The following SLCO2A1 variants were observed in gnomAD, a reference collection of about 807,000 sequenced individuals.
SLCO2A1 encodes solute carrier organic anion transporter family member 2A1, also known as matrin F/G 1.
A neutral mutation model predicts 71.7 loss-of-function variants in SLCO2A1; 60 were observed. The observed-to-expected ratio is 0.84, with a 90% CI of 0.68 to 1.04. The LOEUF (loss-of-function observed/expected upper bound fraction) is 1.04, where lower values mean the gene tolerates loss of function less well. SLCO2A1 is among the 50% of genes least tolerant of loss of function. SLCO2A1 has a pLI of 0.00. For synonymous variants in SLCO2A1, 308 were observed against 326.7 expected (o/e 0.94, Z 0.62); for missense variants, 745 against 813.4 (o/e 0.92, Z 1.02).
intron 1 of SLCO2A1, among the ~76,000 whole-genome samples, chr3:133,999,999 A>C (rs142464903): frequency 2.4e-3 from 371 of 152,320 alleles, no homozygotes; most frequent in African/African-American, 8.3e-3. Flanking sequence ...CAAGGCAAAA[A>C]CAAAACAAAA....
chr3:133,938,487 C>T lies in SLCO2A1; in HGVS notation c.1632G>A (p.Val544=), dbSNP rs1400801174. 1.2e-5 allele frequency: 20 copies of T among 1,613,980 alleles called. No homozygotes were observed. The highest frequency in any genetic ancestry group is 1.6e-5 in the Non-Finnish European group (19 of 1,180,010). The part of the protein sequence containing the change: ...NPLYMMVLRV[V]NQEEKSFAIG... ...TGGCAAATGACTTTTCCTCCTGGTT[C>T]ACCACACTGAAAAGACAGACAGGAA... is the stretch of plus-strand genomic sequence containing the variant. Residue 544 remains valine (V), a synonymous_variant, in exon 12 of 14, where the codon GTG becomes GTA. Transcript: ENST00000310926.
At position 133,983,289 on chromosome 3, in the gene SLCO2A1, G is replaced by A. The variant is rs577688964; in HGVS notation, c.97-3671C>T. The stretch of plus-strand genomic sequence containing the variant: ...GCGAGGCCACATGTTAATGTTCCAC[G>A]GATAACTCGGTTCAGATTTTGGTCC... On this transcript the variant is annotated intron_variant, in intron 1 of 13. Coordinates refer to ENST00000310926, the MANE Select transcript of SLCO2A1 (RefSeq NM_005630.3). Among the ~76,000 whole-genome samples, 4 of 152,132 alleles carry A rather than the reference G, an allele frequency of 2.6e-5. No homozygotes were observed. The South Asian group carries it at 6.2e-4, about 24-fold the overall frequency.
chr3:133,942,488 G>C, intron 11 of SLCO2A1, 117 bp downstream of exon 11: 1 of 1,060,768 alleles, frequency 9.4e-7, no homozygotes, highest in South Asian at 1.7e-5. Context: ...TCATTTAAAG[G>C]ACTCTGAGGG....
chr3:134,008,722 T>C (rs908134321), intron 1 of SLCO2A1, among the ~76,000 whole-genome samples: 3 of 152,190 alleles, frequency 2.0e-5, no homozygotes, highest in African/African-American at 7.2e-5. Context: ...GCTGAATTCC[T>C]ACACTCTGAG....
chr3:133,961,440 A>G (rs1934032739), intron 3 of SLCO2A1, among the ~76,000 whole-genome samples: 1 of 152,184 alleles, frequency 6.6e-6, no homozygotes, highest in Non-Finnish European at 1.5e-5. Flanking sequence ...TTATTTGAAC[A>G]TTGTTGCTGA....
At chr3:133,995,814 T>A (rs1934951994) in intron 1 of SLCO2A1, among the ~76,000 whole-genome samples, 1 of 152,234 alleles carries the variant, frequency 6.6e-6, no homozygotes, top group Non-Finnish European at 1.5e-5. Flanking sequence ...ACCTAGGCAC[T>A]CATACGCCAT....
intron 1 of SLCO2A1, among the ~76,000 whole-genome samples, chr3:133,982,535 C>T (rs1047306750): frequency 1.3e-5 from 2 of 152,198 alleles, no homozygotes; most frequent in Non-Finnish European, 2.9e-5. Flanking sequence ...CCATAAACTG[C>T]TCCCATTTTT....
intron 1 of SLCO2A1, among the ~76,000 whole-genome samples, chr3:133,988,313 T>C (rs1934760910): frequency 6.6e-6 from 1 of 152,206 alleles, no homozygotes; most frequent in Non-Finnish European, 1.5e-5. Context: ...TTATTTTAAC[T>C]TTACCCAGAC....
chr3:134,008,581 C>G (rs1011828045), intron 1 of SLCO2A1, among the ~76,000 whole-genome samples: 1 of 152,212 alleles, frequency 6.6e-6, no homozygotes, highest in Non-Finnish European at 1.5e-5. Context: ...GGAACAGACC[C>G]CTAGTTAGCA....
intron 1 of SLCO2A1, among the ~76,000 whole-genome samples, chr3:134,006,802 T>C (rs1935226984): frequency 6.6e-6 from 1 of 152,218 alleles, no homozygotes. Context: ...AAATATCTCT[T>C]TGAGACCCTG....
chr3:134,005,919 TTTTA>T (rs1292311917), intron 1 of SLCO2A1, among the ~76,000 whole-genome samples: 2 of 152,226 alleles, frequency 1.3e-5, no homozygotes, highest in African/African-American at 4.8e-5. Context: ...TTTTCTAGGC[TTTTA>T]TTATTTAATT....
chr3:133,969,238 T>G (rs1454046348), intron 3 of SLCO2A1, among the ~76,000 whole-genome samples: 1 of 152,206 alleles, frequency 6.6e-6, no homozygotes, highest in African/African-American at 2.4e-5. Context: ...GAGATCAACC[T>G]GGCCAACATG....
rs144290247 is a variant in SLCO2A1, at chr3:133,978,197, C to T, written c.234+1284G>A. Among the ~76,000 whole-genome samples, 137 of 152,284 alleles carry T rather than the reference C, an allele frequency of 9.0e-4. 3 individuals carry two copies. The South Asian group carries it at 0.018, about 20-fold the overall frequency. On this transcript the variant is annotated intron_variant, in intron 2 of 13. Coordinates refer to ENST00000310926, the MANE Select transcript of SLCO2A1 (RefSeq NM_005630.3). ...GAGGTTGAGACTGGCTGGAGCAGTGCTTGTGAGCAAGAGACTGGAGGAACG... is the reference window on the plus strand; with the variant it reads ...GAGGTTGAGACTGGCTGGAGCAGTGTTTGTGAGCAAGAGACTGGAGGAACG...
chr3:134,003,132 C>A (rs1200670202), intron 1 of SLCO2A1, among the ~76,000 whole-genome samples: 3 of 152,208 alleles, frequency 2.0e-5, no homozygotes, highest in African/African-American at 7.2e-5. Flanking sequence ...TCATCTACAC[C>A]TGGTTTGTTT....
At chr3:134,020,257 C>T (rs1025039906) in intron 1 of SLCO2A1, among the ~76,000 whole-genome samples, 43 of 152,278 alleles carry the variant, frequency 2.8e-4, no homozygotes, top group Admixed American at 1.0e-3. Flanking sequence ...GGAGTCTTGC[C>T]GATGCCCCCA....
chr3:133,997,941 G>C (rs953187573), intron 1 of SLCO2A1, among the ~76,000 whole-genome samples: 3 of 152,210 alleles, frequency 2.0e-5, no homozygotes, highest in Non-Finnish European at 4.4e-5. Context: ...GACTGTCTAG[G>C]AGTGTTTGGA....
intron 1 of SLCO2A1, among the ~76,000 whole-genome samples, chr3:133,985,015 C>T (rs1021578659): frequency 6.6e-6 from 1 of 152,194 alleles, no homozygotes; most frequent in Non-Finnish European, 1.5e-5. Flanking sequence ...GTGAGTGCTC[C>T]ACATCCTGGA....
intron 1 of SLCO2A1, among the ~76,000 whole-genome samples, chr3:134,014,777 G>A (rs985742785): frequency 1.3e-5 from 2 of 152,180 alleles, no homozygotes; most frequent in African/African-American, 2.4e-5. Flanking sequence ...ATGACCAGGT[G>A]GGAATCCCTG....
chr3:133,968,433 C>T (rs1018598155), intron 3 of SLCO2A1, among the ~76,000 whole-genome samples: 4 of 152,136 alleles, frequency 2.6e-5, no homozygotes, highest in Non-Finnish European at 5.9e-5. Flanking sequence ...CTCAGGATCC[C>T]GAGGCTCCCC....
Sources: gnomAD v4.1 joint callset for allele counts (sites outside exome capture counted in the v4.1 genomes callset) on GRCh38, gnomAD v4.1.1 for gene constraint, MANE v1.5 for transcripts, NCBI Gene and HGNC (gene_info 2026-07-23, HGNC 2026-07-21) for gene names.